The following PCDHGB7 variants were observed in gnomAD, a reference collection of about 807,000 sequenced individuals.
The protein encoded by PCDHGB7 is protocadherin gamma subfamily B, 7, also known as protocadherin gamma-B7.
A neutral mutation model predicts 61.4 loss-of-function variants in PCDHGB7; 37 were observed. The ratio of observed to expected loss-of-function variants is 0.60; its 90% CI spans 0.46 to 0.79. PCDHGB7 has a LOEUF of 0.79. Ranked by LOEUF, PCDHGB7 falls within the 30% of genes least tolerant of loss-of-function variation. The pLI is 0.00. For synonymous variants in PCDHGB7, 464 were observed against 503.5 expected (o/e 0.92, Z 1.05); for missense variants, 1,166 against 1,202.5 (o/e 0.97, Z 0.45).
intron 1 of PCDHGB7, chr5:141,430,848 A>G (rs780445178): frequency 1.3e-6 from 2 of 1,581,028 alleles, no homozygotes; most frequent in Admixed American, 1.8e-5. Flanking sequence ...GGATGCACCC[A>G]GATACGCTAT....
chr5:141,503,608 A>AAAAAAAG (rs1483073868), intron 2 of PCDHGB7, among the ~76,000 whole-genome samples: 1 of 151,994 alleles, frequency 6.6e-6, no homozygotes, highest in East Asian at 1.9e-4. Flanking sequence ...CAAAAAAAAA[A>AAAAAAAG]AAAAAAGAAA....
At chr5:141,427,519 G>A (rs1428732557) in intron 1 of PCDHGB7, 1 of 602,000 alleles carries the variant, frequency 1.7e-6, no homozygotes, top group Non-Finnish European at 3.1e-6. Context: ...GATTGGGAGC[G>A]GATCCCGGAG....
intron 1 of PCDHGB7, among the ~76,000 whole-genome samples, chr5:141,450,649 G>A (rs2098689040): frequency 6.6e-6 from 1 of 151,674 alleles, no homozygotes; most frequent in African/African-American, 2.4e-5. Flanking sequence ...ACCATGCCTG[G>A]CTAATTTTTG....
chr5:141,444,152 ATTTTTTTTTTTTTT>A (rs747671382), intron 1 of PCDHGB7, among the ~76,000 whole-genome samples: 241 of 33,882 alleles, frequency 7.1e-3, no homozygotes, highest in African/African-American at 0.019. Flanking sequence ...TGTGTACTGG[ATTTTTTTTTTTTTT>A]TTTTTTTTTT....
chr5:141,417,843 G>C lies in PCDHGB7; in HGVS notation c.-17G>C. ...CCAACTGGAAAAGCGGGGACCCAGCGAGAACCCGAGCGAACGATGGGAGGG... is the reference window on the plus strand; with the variant it reads ...CCAACTGGAAAAGCGGGGACCCAGCCAGAACCCGAGCGAACGATGGGAGGG... On this transcript the variant is annotated 5_prime_UTR_variant, in exon 1 of 4. Coordinates refer to ENST00000398594, the MANE Select transcript of PCDHGB7 (RefSeq NM_018927.4). 1 of 1,539,250 alleles carries C rather than the reference G, an allele frequency of 6.5e-7. No homozygotes were observed. The highest frequency in any genetic ancestry group is 8.8e-7 in the Non-Finnish European group (1 of 1,139,668).
chr5:141,418,840 C>T lies in PCDHGB7; in HGVS notation c.981C>T (p.Leu327=). The change falls in exon 1 of 4, where the codon CTC becomes CTT. Residue 327 remains leucine (L), a synonymous_variant. Coordinates refer to ENST00000398594, the MANE Select transcript of PCDHGB7 (RefSeq NM_018927.4). ...TAGAAGCAAAAGACCGAGGATCTCT[C>T]TCAACACGGTGTAAAGTAATTGTAG... is the stretch of plus-strand genomic sequence containing the variant. ...INIEAKDRGS[L]STRCKVIVEV... 6.2e-7 allele frequency: 1 copy of T among 1,614,006 alleles called. No individual in the cohort carries two copies. Among genetic ancestry groups the T allele is most frequent in the Middle Eastern group, 1.6e-4 (1 of 6,062 alleles).
At chr5:141,510,321 CA>C (rs1376271166) in intron 3 of PCDHGB7, among the ~76,000 whole-genome samples, 1 of 150,840 alleles carries the variant, frequency 6.6e-6, no homozygotes, top group Non-Finnish European at 1.5e-5. Context: ...CTTGGAAGAG[CA>C]CTCTTCACCC....
At chr5:141,453,652 T>C (rs1302902554) in intron 1 of PCDHGB7, among the ~76,000 whole-genome samples, 1 of 152,252 alleles carries the variant, frequency 6.6e-6, no homozygotes, top group Non-Finnish European at 1.5e-5. Context: ...TTATGTCCTC[T>C]TCTTTCTTAC....
chr5:141,466,118 G>A lies in PCDHGB7; in HGVS notation c.2416-28689G>A, dbSNP rs1299389265. ...GCCTGGGCAACAGAGTGAGACTCCA[G>A]CTCAAAAAAAAAATCAAGTGAAAAC... On this transcript the variant is annotated intron_variant, in intron 1 of 3. Coordinates refer to ENST00000398594, the MANE Select transcript of PCDHGB7 (RefSeq NM_018927.4). Among the ~76,000 whole-genome samples the A allele has an allele frequency of 2.0e-5, 3 of 151,096 alleles. No individual in the cohort carries two copies. The East Asian group carries it at 5.8e-4, about 29-fold the overall frequency.
intron 1 of PCDHGB7, chr5:141,442,134 AG>A (rs1365375748): frequency 6.1e-6 from 1 of 163,744 alleles, no homozygotes; most frequent in African/African-American, 2.4e-5. Context: ...AGCCTGCAGG[AG>A]ACTCTGCCAG....
At chr5:141,459,910 A>G (rs2098977946) in intron 1 of PCDHGB7, among the ~76,000 whole-genome samples, 2 of 152,042 alleles carry the variant, frequency 1.3e-5, no homozygotes, top group Non-Finnish European at 1.5e-5. Context: ...GAGCTATGGG[A>G]GTTTTAAAAT....
intron 1 of PCDHGB7, among the ~76,000 whole-genome samples, chr5:141,460,983 G>GTA (rs59296681): frequency 9.4e-4 from 130 of 137,840 alleles, no homozygotes; most frequent in Middle Eastern, 3.8e-3. Context: ...GTGTGTGTGT[G>GTA]TATATATATA....
At chr5:141,423,470 A>C (rs904433654) in intron 1 of PCDHGB7, 54 of 1,613,884 alleles carry the variant, frequency 3.3e-5, no homozygotes, top group Non-Finnish European at 4.3e-5. Context: ...GACGGGGTAC[A>C]GGCTTTCCTG....
chr5:141,431,554 C>G lies in PCDHGB7; in HGVS notation c.2415+11280C>G. 1 of 1,614,126 alleles carries G rather than the reference C, an allele frequency of 6.2e-7. No homozygotes were observed. The highest frequency in any genetic ancestry group is 1.7e-5 in the Admixed American group (1 of 60,032). ...TGGGCACGCAGCTGCTTGTAGTCAA[C>G]GCTACCGACCCTGACGAAGGAGTCA... is the stretch of plus-strand genomic sequence containing the variant. On this transcript the variant is annotated intron_variant, in intron 1 of 3. Coordinates refer to ENST00000398594, the MANE Select transcript of PCDHGB7 (RefSeq NM_018927.4). This position sits in a 1 kb window ranked among gnomAD's most constrained non-coding sequence, Gnocchi z 4.8.
Position 141,485,164 on chromosome 5 carries a change from G to A in PCDHGB7, c.2416-9643G>A, listed in dbSNP as rs2099608516. 2 of 1,605,832 alleles carry A rather than the reference G, an allele frequency of 1.2e-6. No homozygotes were observed. Among genetic ancestry groups the A allele is most frequent in the Admixed American group, 1.7e-5 (1 of 59,836 alleles). On this transcript the variant is annotated intron_variant, in intron 1 of 3. Coordinates refer to ENST00000398594, the MANE Select transcript of PCDHGB7 (RefSeq NM_018927.4). This position sits in a 1 kb window ranked among gnomAD's most constrained non-coding sequence, Gnocchi z 5.7. ...CTCAGGAGCAAGTAGAGAATTAGCG[G>A]GCGGCAGCAATGCTCCGCAAGGTGA...
At chr5:141,454,123 C>CT (rs1273558932) in intron 1 of PCDHGB7, among the ~76,000 whole-genome samples, 5 of 152,194 alleles carry the variant, frequency 3.3e-5, no homozygotes, top group Non-Finnish European at 7.3e-5. Flanking sequence ...GAAGAAATAG[C>CT]TGACCATGGG....
At chr5:141,422,110 T>A in intron 1 of PCDHGB7, 1 of 1,606,626 alleles carries the variant, frequency 6.2e-7, no homozygotes, top group South Asian at 1.1e-5. Flanking sequence ...AATATTCCAA[T>A]TGGATTCACA....
chr5:141,485,060 G>C lies in PCDHGB7; in HGVS notation c.2416-9747G>C. ...ACCCTTGCGGCGCCGGCCGAACCGCGCCAGAGCTGGCGCGGGGAAAGGGAG... is the reference window on the plus strand; with the variant it reads ...ACCCTTGCGGCGCCGGCCGAACCGCCCCAGAGCTGGCGCGGGGAAAGGGAG... On this transcript the variant is annotated intron_variant, in intron 1 of 3. Transcript: ENST00000398594. This position sits in a 1 kb window ranked among gnomAD's most constrained non-coding sequence, Gnocchi z 5.7. 1 of 862,304 alleles carries C rather than the reference G, an allele frequency of 1.2e-6. No individual in the cohort carries two copies. The highest frequency in any genetic ancestry group is 1.9e-6 in the Non-Finnish European group (1 of 540,422). 53.4% of individuals were successfully genotyped at this position (862,304 alleles called of 1,614,324 possible).
intron 1 of PCDHGB7, among the ~76,000 whole-genome samples, chr5:141,479,909 A>G (rs2099509651): frequency 6.6e-6 from 1 of 152,160 alleles, no homozygotes; most frequent in South Asian, 2.1e-4. Context: ...AAACACTGTT[A>G]TTTTGTTACT....
Sources: allele counts gnomAD v4.1 joint callset (sites outside exome capture counted in the v4.1 genomes callset), GRCh38; gene constraint gnomAD v4.1.1; non-coding constraint Gnocchi (gnomAD v3.1); transcripts MANE v1.5; gene names NCBI Gene and HGNC (gene_info 2026-07-23, HGNC 2026-07-21).